The following KIF11 variants were observed in gnomAD, a reference collection of about 807,000 sequenced individuals.
KIF11 encodes kinesin family member 11.
A neutral mutation model predicts 121.0 loss-of-function variants in KIF11; 9 were observed. The observed-to-expected ratio is 0.07, with a 90% CI of 0.04 to 0.13. KIF11 has a LOEUF of 0.13. KIF11 is among the 10% of genes least tolerant of loss of function. The probability of loss-of-function intolerance (pLI) is 1.00; values close to 1 mark genes in which losing one functional copy is unlikely to be tolerated. For missense variants in KIF11, 846 were observed against 1,217.5 expected, an observed-to-expected ratio of 0.69 and a Z score of 4.54; for synonymous variants, 408 against 421.0, an observed-to-expected ratio of 0.97 and a Z score of 0.38.
At position 92,613,302 on chromosome 10, in the gene KIF11, G is replaced by A. The variant is rs527793386; in HGVS notation, c.790-75G>A. On this transcript the variant is annotated intron_variant, in intron 7 of 21. Transcript: ENST00000260731. The surrounding 1 kb of genome is among the most constrained non-coding windows in gnomAD (Gnocchi z 4.2). ...TTTTGCTGGCGATTTAATACATTAT[G>A]TATCCTGTGAGAATGAAAGTCTTTG... is the stretch of plus-strand genomic sequence containing the variant. The A allele has an allele frequency of 4.8e-4, 548 of 1,142,550 alleles. 1 individual carries two copies. The Middle Eastern group carries it at 8.5e-3, about 18-fold the overall frequency. 70.8% of individuals were successfully genotyped at this position (1,142,550 alleles called of 1,614,324 possible).
intron 14 of KIF11, among the ~76,000 whole-genome samples, chr10:92,634,410 T>C (rs1191062955): frequency 1.3e-5 from 2 of 152,052 alleles, no homozygotes; most frequent in African/African-American, 2.4e-5. Flanking sequence ...GATGGAATTA[T>C]AGGCATGTGC....
At chr10:92,649,132 T>TA (rs1844953363) in intron 19 of KIF11, among the ~76,000 whole-genome samples, 1 of 150,662 alleles carries the variant, frequency 6.6e-6, no homozygotes, top group Non-Finnish European at 1.5e-5. Context: ...TTTTTTTTTT[T>TA]AATTTAAAAA....
At chr10:92,609,289 AGAGAGAGAGAGAGAGTGTGTGTGT>A in intron 5 of KIF11, 72 bp from the exon 6 acceptor site, 1 of 1,350,228 alleles carries the variant, frequency 7.4e-7, no homozygotes, top group African/African-American at 1.8e-5. Flanking sequence ...AGAGAGAGAG[AGAGAGAGAGAGAGAGTGTGTGTGT>A]GTGTGTGTGT....
intron 13 of KIF11, 127 bp downstream of exon 13, chr10:92,632,820 C>T: frequency 2.0e-6 from 1 of 510,632 alleles, no homozygotes; most frequent in Non-Finnish European, 3.4e-6. Flanking sequence ...ACTATTTGTT[C>T]AGGGTGAAGA....
intron 1 of KIF11, among the ~76,000 whole-genome samples, chr10:92,595,055 A>T (rs1844278900): frequency 6.6e-6 from 1 of 152,182 alleles, no homozygotes; most frequent in Non-Finnish European, 1.5e-5. Context: ...GGCTTTGCAG[A>T]TCACATGTGG....
chr10:92,650,547 C>A, intron 21 of KIF11, 30 bp downstream of exon 21: 1 of 1,148,740 alleles, frequency 8.7e-7, no homozygotes, highest in Non-Finnish European at 1.3e-6. Context: ...CCTTCCACAT[C>A]TGATGTAAGT....
chr10:92,634,240 C>A (rs1166602082), intron 14 of KIF11, among the ~76,000 whole-genome samples: 2 of 152,102 alleles, frequency 1.3e-5, no homozygotes, highest in East Asian at 1.9e-4. Context: ...GCCTCGGCCT[C>A]CCAAAGTGCT....
At position 92,613,723 on chromosome 10, in the gene KIF11, C is replaced by T. The variant is rs1844520169; in HGVS notation, c.1032+104C>T. On this transcript the variant is annotated intron_variant, in intron 8 of 21. Transcript: ENST00000260731. The surrounding 1 kb of genome is among the most constrained non-coding windows in gnomAD (Gnocchi z 4.2). ...ACTAGGATGGACACAGTGACTCACA[C>T]CTGTAAACCCAGCACTTTGGAAGTC... 2 of 1,116,562 alleles carry T rather than the reference C, an allele frequency of 1.8e-6. No individual in the cohort carries two copies. The highest frequency in any genetic ancestry group is 2.6e-5 in the Admixed American group (1 of 38,214). The allele number at this position is 1,116,562 out of a possible 1,614,324, so 69.2% of individuals were successfully genotyped here. A position where few individuals can be genotyped will look rare whatever the true frequency, so the allele number is the denominator to read the frequency against.
chr10:92,618,373 G>A (rs1416658613), intron 9 of KIF11, among the ~76,000 whole-genome samples: 3 of 151,252 alleles, frequency 2.0e-5, no homozygotes, highest in African/African-American at 4.9e-5. Context: ...GGCCAGGCAC[G>A]GTGGCTCATG....
At chr10:92,606,581 T>C in intron 2 of KIF11, 38 bp from the exon 3 acceptor site, 10 of 1,318,496 alleles carry the variant, frequency 7.6e-6, no homozygotes, top group Non-Finnish European at 1.1e-5. Flanking sequence ...ATGAGTAATT[T>C]TGAGGTTGAT....
chr10:92,602,207 T>G (rs936875316), intron 1 of KIF11, among the ~76,000 whole-genome samples: 2 of 152,292 alleles, frequency 1.3e-5, no homozygotes, highest in South Asian at 4.1e-4. Context: ...TAAGGGATAG[T>G]GATCTGTAGT....
chr10:92,609,266 C>CTG (rs1429199616), intron 5 of KIF11, 61 bp downstream of exon 5: 253 of 747,528 alleles, frequency 3.4e-4, no homozygotes, highest in African/African-American at 3.1e-3. Flanking sequence ...TTTGAGAAGT[C>CTG]AGAGAGAGAG....
At chr10:92,643,697 C>T (rs1844890315) in intron 17 of KIF11, among the ~76,000 whole-genome samples, 1 of 151,862 alleles carries the variant, frequency 6.6e-6, no homozygotes, top group Admixed American at 6.6e-5. Flanking sequence ...GCTGGGATTA[C>T]AGGCACCTAC....
chr10:92,609,100 C>T lies in KIF11; in HGVS notation c.468C>T (p.Val156=). Reference sequence around the variant, plus strand: ...CTGATAATGGTACTGAATTTTCAGTCAAAGTGTCTCTGTTGGAGATCTATA... The same window carrying T: ...CTGATAATGGTACTGAATTTTCAGTTAAAGTGTCTCTGTTGGAGATCTATA... ...KLTDNGTEFS[V]KVSLLEIYNE... Residue 156 remains valine (V), a synonymous_variant, in exon 5 of 22, where the codon GTC becomes GTT. Transcript: ENST00000260731. 1 of 1,605,720 alleles carries T rather than the reference C, an allele frequency of 6.2e-7. No individual in the cohort carries two copies. The highest frequency in any genetic ancestry group is 2.2e-5 in the East Asian group (1 of 44,750).
Position 92,616,864 on chromosome 10 carries a change from CTTG to C in KIF11, c.1128+35_1128+37del, listed in dbSNP as rs144328956. ...GTGAATTTTTGTAGAGTAATGTAATCTTGTTTGACAAATGTGAAAATAAGAAAC... is the reference window on the plus strand; with the variant it reads ...GTGAATTTTTGTAGAGTAATGTAATCTTTGACAAATGTGAAAATAAGAAAC... On this transcript the variant is annotated intron_variant, in intron 9 of 21. Coordinates refer to ENST00000260731, the MANE Select transcript of KIF11 (RefSeq NM_004523.4). 51,025 of 1,178,930 alleles carry C rather than the reference CTTG, an allele frequency of 0.043. 5,684 individuals carry two copies. Among genetic ancestry groups the C allele is most frequent in the African/African-American group, 0.39 (25,088 of 63,708 alleles). 73.0% of individuals were successfully genotyped at this position (1,178,930 alleles called of 1,614,324 possible). A position where few individuals can be genotyped will look rare whatever the true frequency, so the allele number is the denominator to read the frequency against.
chr10:92,637,223 A>G lies in KIF11; in HGVS notation c.1915A>G (p.Ile639Val), dbSNP rs1174492767. Residue 639 changes from isoleucine (I) to valine (V), a missense_variant, in exon 15 of 22, where the codon ATT becomes GTT. Coordinates refer to ENST00000260731, the MANE Select transcript of KIF11 (RefSeq NM_004523.4). ...KTDLLSSLEM[I>V]LSPTVVSILK... is the part of the protein sequence containing the mutation. Reference sequence around the variant, plus strand: ...TGATCTTCTAAGTTCACTGGAAATGATTTTATCCCCAACTGTGGTGTCTAT... The same window carrying G: ...TGATCTTCTAAGTTCACTGGAAATGGTTTTATCCCCAACTGTGGTGTCTAT... 1.3e-6 allele frequency: 2 copies of G among 1,586,998 alleles called. No individual in the cohort carries two copies. The highest frequency in any genetic ancestry group is 1.7e-6 in the Non-Finnish European group (2 of 1,173,716).
At chr10:92,638,781 C>T (rs1844835017) in intron 16 of KIF11, among the ~76,000 whole-genome samples, 1 of 152,022 alleles carries the variant, frequency 6.6e-6, no homozygotes, top group Non-Finnish European at 1.5e-5. Flanking sequence ...CTGATAATAC[C>T]TTTGAGACTA....
At chr10:92,647,149 C>T (rs1844928833) in intron 18 of KIF11, among the ~76,000 whole-genome samples, 1 of 152,162 alleles carries the variant, frequency 6.6e-6, no homozygotes, top group South Asian at 2.1e-4. Context: ...TGAATTAAAT[C>T]AAGCCTTTAG....
chr10:92,600,709 G>T (rs1029333925), intron 1 of KIF11, among the ~76,000 whole-genome samples: 1 of 151,952 alleles, frequency 6.6e-6, no homozygotes, highest in Non-Finnish European at 1.5e-5. Context: ...GTTTCACTAT[G>T]TTGGCAAGGC....
Sources: gnomAD v4.1 joint callset for allele counts (sites outside exome capture counted in the v4.1 genomes callset) on GRCh38, gnomAD v4.1.1 for gene constraint, Gnocchi (gnomAD v3.1) non-coding constraint, MANE v1.5 for transcripts, NCBI Gene and HGNC (gene_info 2026-07-23, HGNC 2026-07-21) for gene names.